Variants in OPCML observed in about 807,000 individuals in gnomAD.
The protein encoded by OPCML is opioid-binding protein/cell adhesion molecule.
A neutral mutation model predicts 37.8 loss-of-function variants in OPCML; 13 were observed. That is an observed-to-expected ratio of 0.34 (90% CI 0.22 to 0.55). OPCML has a LOEUF of 0.55. Ranked by LOEUF, OPCML falls within the 20% of genes least tolerant of loss-of-function variation. OPCML has a pLI of 0.91. For synonymous variants in OPCML, 176 were observed against 168.8 expected, an observed-to-expected ratio of 1.04 and a Z score of -0.33; for missense variants, 341 against 435.6, an observed-to-expected ratio of 0.78 and a Z score of 1.93.
chr11:132,842,163 T>C (rs1278133718), intron 2 of OPCML, among the ~76,000 whole-genome samples: 1 of 152,192 alleles, frequency 6.6e-6, no homozygotes, highest in Non-Finnish European at 1.5e-5. Flanking sequence ...TGTGTGTTTC[T>C]GTAACCCCGT....
At chr11:132,731,669 T>C (rs1945080196) in intron 2 of OPCML, among the ~76,000 whole-genome samples, 1 of 152,190 alleles carries the variant, frequency 6.6e-6, no homozygotes, top group African/African-American at 2.4e-5. Context: ...CATCTAACTA[T>C]GATGGGGAAT....
intron 2 of OPCML, among the ~76,000 whole-genome samples, chr11:132,916,583 G>A (rs181521471): frequency 1.3e-4 from 20 of 152,310 alleles, no homozygotes; most frequent in African/African-American, 4.8e-4. Context: ...TGCACCATGA[G>A]GATATGAAAA....
At chr11:132,994,905 C>T (rs1253132165) in intron 1 of OPCML, among the ~76,000 whole-genome samples, 1 of 152,162 alleles carries the variant, frequency 6.6e-6, no homozygotes, top group Non-Finnish European at 1.5e-5. Context: ...GCACAGCACC[C>T]CTAGGAGTTG....
intron 3 of OPCML, among the ~76,000 whole-genome samples, chr11:132,592,238 G>A (rs191562115): frequency 5.9e-5 from 9 of 152,334 alleles, no homozygotes; most frequent in East Asian, 1.9e-4. Context: ...CATGTTTTGC[G>A]GGTATATCGG....
chr11:132,818,984 G>A (rs1157976629), intron 2 of OPCML, among the ~76,000 whole-genome samples: 1 of 145,982 alleles, frequency 6.9e-6, no homozygotes, highest in African/African-American at 2.5e-5. Flanking sequence ...CTATGTAAAT[G>A]AAGAGGATGA....
chr11:133,320,269 T>C (rs1182277275), intron 1 of OPCML, among the ~76,000 whole-genome samples: 1 of 152,236 alleles, frequency 6.6e-6, no homozygotes, highest in Non-Finnish European at 1.5e-5. Flanking sequence ...ATTTCCTTCA[T>C]TGTCTATTCT....
intron 2 of OPCML, among the ~76,000 whole-genome samples, chr11:132,794,870 A>T (rs1265683714): frequency 6.6e-6 from 1 of 150,810 alleles, no homozygotes; most frequent in Non-Finnish European, 1.5e-5. Context: ...TGACCTATCA[A>T]CCTAACAAAA....
chr11:133,003,032 A>G (rs1947038657), intron 1 of OPCML, among the ~76,000 whole-genome samples: 1 of 152,212 alleles, frequency 6.6e-6, no homozygotes. Context: ...CAATTTCTTC[A>G]TTCATCTGTA....
chr11:132,529,627 G>GAGTT lies in OPCML; in HGVS notation c.380-445_380-442dup, dbSNP rs2096318464. 4.6e-5 allele frequency among the ~76,000 whole-genome samples: 7 copies of GAGTT among 152,300 alleles called. No homozygotes were observed. In the South Asian group the frequency reaches 1.5e-3, roughly 32 times the overall value. Reference sequence around the variant, plus strand: ...TTGCACTCAAAATGCTGATAACGCTGAGTTAGTTACTATTTTCTGAGTATC... The same window carrying GAGTT: ...TTGCACTCAAAATGCTGATAACGCTGAGTTAGTTAGTTACTATTTTCTGAGTATC... On this transcript the variant is annotated intron_variant, in intron 3 of 7. Coordinates refer to ENST00000524381, the MANE Select transcript of OPCML (RefSeq NM_001012393.5).
At chr11:132,710,308 T>C (rs1459006673) in intron 2 of OPCML, among the ~76,000 whole-genome samples, 1 of 152,204 alleles carries the variant, frequency 6.6e-6, no homozygotes, top group Non-Finnish European at 1.5e-5. Context: ...ATAGTATGTC[T>C]ACTTTAGGGT....
intron 4 of OPCML, among the ~76,000 whole-genome samples, chr11:132,515,395 G>T (rs1404503790): frequency 6.6e-6 from 1 of 152,176 alleles, no homozygotes; most frequent in Non-Finnish European, 1.5e-5. Flanking sequence ...GAGGGAAATA[G>T]GGTAGGGAGA....
intron 1 of OPCML, among the ~76,000 whole-genome samples, chr11:133,438,983 G>T (rs540471388): frequency 1.3e-5 from 2 of 152,114 alleles, no homozygotes; most frequent in African/African-American, 4.8e-5. Context: ...CTTGCCCTAC[G>T]AATCCCTTCC....
At chr11:133,228,149 G>T (rs1037465882) in intron 1 of OPCML, among the ~76,000 whole-genome samples, 2 of 152,092 alleles carry the variant, frequency 1.3e-5, no homozygotes, top group African/African-American at 4.8e-5. Flanking sequence ...TGCTATGCTG[G>T]GCAATTTCCA....
rs541047895 is a variant in OPCML at position 133,416,755 on chromosome 11, G to C, written c.61+115509C>G. On this transcript the variant is annotated intron_variant, in intron 1 of 7. Transcript: ENST00000524381. Reference sequence around the variant, plus strand: ...CTGTCACGGAACTCCTAAAACCCTTGGATTATCCTGAAGGATCAGAGAGTG... The same window carrying C: ...CTGTCACGGAACTCCTAAAACCCTTCGATTATCCTGAAGGATCAGAGAGTG... 2.0e-5 allele frequency among the ~76,000 whole-genome samples: 3 copies of C among 152,144 alleles called. No homozygotes were observed. In the East Asian group the frequency reaches 5.8e-4, roughly 29 times the overall value.
intron 2 of OPCML, among the ~76,000 whole-genome samples, chr11:132,877,705 T>G (rs536457652): frequency 3.5e-4 from 54 of 152,292 alleles, no homozygotes; most frequent in Non-Finnish European, 7.1e-4. Context: ...CTGTAGTATA[T>G]TCACTAGTAC....
chr11:133,241,155 C>T (rs1319543160), intron 1 of OPCML, among the ~76,000 whole-genome samples: 3 of 152,192 alleles, frequency 2.0e-5, no homozygotes, highest in African/African-American at 7.2e-5. Flanking sequence ...TAGGGAAGCC[C>T]TCCCTGAATC....
intron 1 of OPCML, among the ~76,000 whole-genome samples, chr11:133,248,404 G>C (rs979535931): frequency 2.6e-4 from 40 of 152,324 alleles, no homozygotes; most frequent in African/African-American, 8.4e-4. Flanking sequence ...GCCTGCTGGT[G>C]GTGGTGGGTA....
chr11:132,830,193 T>C (rs897791855), intron 2 of OPCML, among the ~76,000 whole-genome samples: 1 of 152,212 alleles, frequency 6.6e-6, no homozygotes, highest in African/African-American at 2.4e-5. Context: ...TCATGTTTTT[T>C]AATCACTTGC....
At chr11:133,194,626 C>T (rs1196273105) in intron 1 of OPCML, among the ~76,000 whole-genome samples, 4 of 152,210 alleles carry the variant, frequency 2.6e-5, no homozygotes, top group Admixed American at 2.6e-4. Context: ...CAAGCCCTTT[C>T]CATCTCCGAT....
Sources: allele counts gnomAD v4.1 joint callset (sites outside exome capture counted in the v4.1 genomes callset), GRCh38; gene constraint gnomAD v4.1.1; transcripts MANE v1.5; gene names NCBI Gene and HGNC (gene_info 2026-07-23, HGNC 2026-07-21).